The following MGST1 variants were observed in gnomAD, a reference collection of about 807,000 sequenced individuals.
The protein encoded by MGST1 is microsomal glutathione S-transferase 1.
In MGST1, 5 loss-of-function variants were observed where a neutral mutation model predicts 8.9. The ratio of observed to expected loss-of-function variants is 0.56; its 90% confidence interval spans 0.29 to 1.19. The LOEUF (loss-of-function observed/expected upper bound fraction) is 1.19, where lower values mean the gene tolerates loss of function less well. MGST1 is among the 50% of genes most tolerant of loss of function. The pLI, the probability that MGST1 is intolerant of heterozygous loss-of-function variation, is 0.08. For missense variants in MGST1, 182 were observed against 187.4 expected (o/e 0.97, Z 0.17); for synonymous variants, 54 against 67.8 (o/e 0.80, Z 1.00).
At chr12:16,464,044 G>A (rs982555808) in intron 4 of MGST1, among the ~76,000 whole-genome samples, 3 of 152,106 alleles carry the variant, frequency 2.0e-5, no homozygotes, top group South Asian at 2.1e-4. Context: ...TTCATTACTC[G>A]TTGACTATTG....
chr12:16,491,106 G>C (rs1941435124), intron 4 of MGST1, among the ~76,000 whole-genome samples: 1 of 152,066 alleles, frequency 6.6e-6, no homozygotes, highest in African/African-American at 2.4e-5. Flanking sequence ...CTATGTTTAT[G>C]GTTCAAGCTC....
rs1234879804 is a variant in MGST1 at position 16,369,522 on chromosome 12, A to AT, written c.222-6599dup. Among the ~76,000 whole-genome samples, 1 of 152,174 alleles carries AT rather than the reference A, an allele frequency of 6.6e-6. No homozygotes were observed. The highest frequency in any genetic ancestry group is 1.9e-4 in the East Asian group (1 of 5,196). On this transcript the variant is annotated intron_variant, in intron 3 of 3. Coordinates refer to the MGST1 transcript ENST00000535309. This position sits in a 1 kb window ranked among gnomAD's most constrained non-coding sequence, Gnocchi z 4.8. ...AACTCAACTCTCTCCCATGTGTCTTATCCTGTACTACAGTGCTCAGCAAAC... is the reference window on the plus strand; with the variant it reads ...AACTCAACTCTCTCCCATGTGTCTTATTCCTGTACTACAGTGCTCAGCAAAC...
chr12:16,490,113 A>AT (rs1565463734), intron 4 of MGST1, among the ~76,000 whole-genome samples: 1 of 152,064 alleles, frequency 6.6e-6, no homozygotes, highest in Non-Finnish European at 1.5e-5. Context: ...GAAAAAAAAA[A>AT]GTAGCTGGGC....
intron 4 of MGST1, among the ~76,000 whole-genome samples, chr12:16,479,526 G>C (rs990317801): frequency 3.1e-5 from 4 of 129,234 alleles, no homozygotes; most frequent in Non-Finnish European, 6.2e-5. Flanking sequence ...GAGCCACTGC[G>C]CCCGGCCTCT....
intron 4 of MGST1, among the ~76,000 whole-genome samples, chr12:16,484,511 G>A (rs1317157428): frequency 6.6e-6 from 1 of 152,040 alleles, no homozygotes; most frequent in Non-Finnish European, 1.5e-5. Context: ...TAAAGAAAAC[G>A]GGTTTAACTG....
At chr12:16,492,995 G>A (rs774746744) in intron 4 of MGST1, among the ~76,000 whole-genome samples, 2 of 152,116 alleles carry the variant, frequency 1.3e-5, no homozygotes, top group African/African-American at 2.4e-5. Context: ...ATTACCCTAG[G>A]CACAGTAATT....
chr12:16,592,165 A>G (rs1033061444), downstream of MGST1, among the ~76,000 whole-genome samples: 2 of 152,076 alleles, frequency 1.3e-5, no homozygotes, highest in Non-Finnish European at 2.9e-5. Flanking sequence ...ATTATTTATA[A>G]GAACGAAGTA....
At chr12:16,357,797 A>G in intron 3 of MGST1, 98 bp downstream of exon 3, 2 of 869,968 alleles carry the variant, frequency 2.3e-6, no homozygotes, top group South Asian at 3.4e-5. Flanking sequence ...GAGGAAAAAA[A>G]GTGAGACCTC....
intron 4 of MGST1, among the ~76,000 whole-genome samples, chr12:16,524,734 T>C (rs1202779302): frequency 6.6e-6 from 1 of 152,128 alleles, no homozygotes; most frequent in Non-Finnish European, 1.5e-5. Flanking sequence ...TTTGTACTTA[T>C]TGTACAAACC....
chr12:16,443,691 T>C (rs1033841324), downstream of MGST1, among the ~76,000 whole-genome samples: 2 of 152,032 alleles, frequency 1.3e-5, no homozygotes, highest in African/African-American at 2.4e-5. Flanking sequence ...TGGAAGAAAA[T>C]AACTCCCAAA....
intron 4 of MGST1, among the ~76,000 whole-genome samples, chr12:16,572,174 A>G (rs536907952): frequency 6.6e-6 from 1 of 152,062 alleles, no homozygotes; most frequent in African/African-American, 2.4e-5. Context: ...AAATTACCAC[A>G]ACTCTCAATC....
downstream of MGST1, among the ~76,000 whole-genome samples, chr12:16,592,843 T>A (rs549680692): frequency 7.9e-4 from 120 of 151,996 alleles, no homozygotes; most frequent in African/African-American, 2.7e-3. Context: ...TCAAAATCTT[T>A]TAAAAACAAA....
At chr12:16,349,743 CTTTT>C (rs760899357) in intron 1 of MGST1, among the ~76,000 whole-genome samples, 4 of 127,388 alleles carry the variant, frequency 3.1e-5, no homozygotes, top group Non-Finnish European at 5.0e-5. Flanking sequence ...CCCAGAGCTT[CTTTT>C]TTTTTTTTTT....
chr12:16,572,875 T>C (rs1320607491), intron 4 of MGST1, among the ~76,000 whole-genome samples: 1 of 151,724 alleles, frequency 6.6e-6, no homozygotes. Context: ...CTAAGGTATT[T>C]GATATGAATT....
rs186248615 is a variant in MGST1, at chr12:16,539,119, G to A, written n.483-50409G>A. ...GTACAATTCAAGATGATATCTGGGC[G>A]GGGACACAGAGCCAAACCATATCAG... On this transcript the variant is annotated intron_variant and non_coding_transcript_variant, in intron 4 of 4. Transcript: ENST00000538857. 3.3e-5 allele frequency among the ~76,000 whole-genome samples: 5 copies of A among 152,222 alleles called. No homozygotes were observed. The East Asian group carries it at 5.8e-4, about 18-fold the overall frequency.
chr12:16,359,357 C>T (rs1051420990), intron 3 of MGST1, among the ~76,000 whole-genome samples: 2 of 152,310 alleles, frequency 1.3e-5, no homozygotes, highest in Admixed American at 6.5e-5. Flanking sequence ...ATTCTACCCC[C>T]AAGCTATTCA....
At chr12:16,505,201 G>A (rs1210828996) in intron 4 of MGST1, among the ~76,000 whole-genome samples, 1 of 152,112 alleles carries the variant, frequency 6.6e-6, no homozygotes, top group Non-Finnish European at 1.5e-5. Context: ...AGTTACCACA[G>A]GTCCCTTTGA....
chr12:16,434,585 A>AC (rs1401957400), intron 1 of MGST1, among the ~76,000 whole-genome samples: 1 of 152,024 alleles, frequency 6.6e-6, no homozygotes, highest in Non-Finnish European at 1.5e-5. Flanking sequence ...TCAAAGATTC[A>AC]TTTTCACCTT....
chr12:16,553,973 A>C (rs986880140), intron 4 of MGST1, among the ~76,000 whole-genome samples: 1 of 151,982 alleles, frequency 6.6e-6, no homozygotes, highest in Non-Finnish European at 1.5e-5. Context: ...TTGTAATCTG[A>C]CCCTAATTAC....
Sources: allele counts gnomAD v4.1 joint callset (sites outside exome capture counted in the v4.1 genomes callset), GRCh38; gene constraint gnomAD v4.1.1; non-coding constraint Gnocchi (gnomAD v3.1); transcripts MANE v1.5; gene names NCBI Gene and HGNC (gene_info 2026-07-23, HGNC 2026-07-21).